LINGO2: variants seen among roughly 807,000 people sequenced by gnomAD.
The protein encoded by LINGO2 is leucine-rich repeat and immunoglobulin-like domain-containing nogo receptor-interacting protein 2.
Under a neutral mutation model 30.6 loss-of-function variants are expected in LINGO2, and 14 were observed. The ratio of observed to expected loss-of-function variants is 0.46; its 90% confidence interval spans 0.30 to 0.72. LINGO2 has a LOEUF of 0.72. Among genes scored for constraint, LINGO2 ranks in the 30% least tolerant of loss-of-function variants. The probability of loss-of-function intolerance (pLI) is 0.07; values close to 1 mark genes in which losing one functional copy is unlikely to be tolerated. For missense variants in LINGO2, 729 were observed against 751.7 expected (o/e 0.97, Z 0.35); for synonymous variants, 317 against 288.5 (o/e 1.10, Z -1.00).
At chr9:28,725,644 G>A in the LINGO2 span, among the ~76,000 whole-genome samples, 4 of 148,276 alleles carry the variant, frequency 2.7e-5, no homozygotes, top group South Asian at 4.2e-4. Flanking sequence ...GCAAAGATAA[G>A]GAAAAGAAAC....
rs561322213 is a variant in LINGO2, at chr9:28,500,294, C to T, written c.-364-24269G>A. ...TTTCACCTTATTAGACATCCTTCTC[C>T]TTCCTAATAACTGACCACATGTCCT... On this transcript the variant is annotated intron_variant, in intron 1 of 5. Transcript: ENST00000379992. 1.4e-4 allele frequency among the ~76,000 whole-genome samples: 22 copies of T among 152,184 alleles called. 1 individual carries two copies. Among genetic ancestry groups the T allele is most frequent in the Admixed American group, 1.3e-3 (20 of 15,292 alleles).
intron 4 of LINGO2, among the ~76,000 whole-genome samples, chr9:28,169,933 A>G (rs1002664393): frequency 2.2e-4 from 33 of 152,116 alleles, no homozygotes; most frequent in Admixed American, 6.6e-5. Flanking sequence ...TTCTCTAGTC[A>G]TGGTATTTAA....
chr9:28,283,590 A>C (rs984363018), intron 4 of LINGO2, among the ~76,000 whole-genome samples: 1 of 152,188 alleles, frequency 6.6e-6, no homozygotes, highest in African/African-American at 2.4e-5. Flanking sequence ...AATATTATGA[A>C]AACTCACAGA....
intron 3 of LINGO2, among the ~76,000 whole-genome samples, chr9:28,357,123 T>C (rs1344344321): frequency 6.6e-6 from 1 of 152,058 alleles, no homozygotes; most frequent in Non-Finnish European, 1.5e-5. Flanking sequence ...TGGTGAGCAA[T>C]TGGGATAGCC....
At chr9:28,099,451 C>T (rs1461673483) in intron 4 of LINGO2, among the ~76,000 whole-genome samples, 1 of 152,064 alleles carries the variant, frequency 6.6e-6, no homozygotes, top group Non-Finnish European at 1.5e-5. Context: ...GGAGAAGAAG[C>T]TTAGGCTTCA....
the LINGO2 span, among the ~76,000 whole-genome samples, chr9:29,161,289 C>A: frequency 6.6e-6 from 1 of 152,160 alleles, no homozygotes; most frequent in Non-Finnish European, 1.5e-5. Flanking sequence ...CTGAATAAAA[C>A]CATATTCACC....
intron 2 of LINGO2, among the ~76,000 whole-genome samples, chr9:28,412,510 C>A (rs1268907377): frequency 6.6e-6 from 1 of 152,048 alleles, no homozygotes; most frequent in African/African-American, 2.4e-5. Context: ...TAGGATCTTA[C>A]ATGCAGAAAA....
At chr9:28,433,966 TACAC>T (rs757972811) in intron 2 of LINGO2, among the ~76,000 whole-genome samples, 1 of 99,994 alleles carries the variant, frequency 1.0e-5, no homozygotes, top group African/African-American at 3.1e-5. Context: ...TATATATATA[TACAC>T]ACACACACAT....
chr9:28,221,092 G>A (rs77154230), intron 4 of LINGO2, among the ~76,000 whole-genome samples: 1 of 152,052 alleles, frequency 6.6e-6, no homozygotes, highest in Admixed American at 6.6e-5. Context: ...GAGGTCAGGA[G>A]ATCGAAACCA....
chr9:28,177,976 C>A (rs771882740), intron 4 of LINGO2, among the ~76,000 whole-genome samples: 1 of 152,248 alleles, frequency 6.6e-6, no homozygotes, highest in East Asian at 1.9e-4. Flanking sequence ...GACCTTCCAA[C>A]CTCCACCAAG....
chr9:28,852,530 CA>C, the LINGO2 span, among the ~76,000 whole-genome samples: 3 of 151,902 alleles, frequency 2.0e-5, no homozygotes, highest in East Asian at 3.9e-4. Flanking sequence ...AGCTACTGCC[CA>C]GGGGAAGGCA....
At chr9:28,246,925 C>T (rs1822022903) in intron 4 of LINGO2, among the ~76,000 whole-genome samples, 1 of 152,106 alleles carries the variant, frequency 6.6e-6, no homozygotes, top group African/African-American at 2.4e-5. Flanking sequence ...AAACAAACAA[C>T]CCTTTTTCAA....
chr9:28,251,450 GAT>G (rs1822195117), intron 4 of LINGO2, among the ~76,000 whole-genome samples: 1 of 152,122 alleles, frequency 6.6e-6, no homozygotes, highest in Non-Finnish European at 1.5e-5. Context: ...GTAAATTTAA[GAT>G]AAACTGTGTG....
chr9:28,317,923 C>T (rs1047380117), intron 3 of LINGO2, among the ~76,000 whole-genome samples: 3 of 152,124 alleles, frequency 2.0e-5, no homozygotes, highest in African/African-American at 7.2e-5. Context: ...CTAAGCATAA[C>T]ACAACAAAAA....
intron 4 of LINGO2, among the ~76,000 whole-genome samples, chr9:28,273,743 C>G (rs1251289066): frequency 6.6e-6 from 1 of 152,126 alleles, no homozygotes; most frequent in Non-Finnish European, 1.5e-5. Context: ...ACAGTAAAAC[C>G]AAGACTTAAG....
At chr9:28,098,234 G>A (rs1465838087) in intron 4 of LINGO2, among the ~76,000 whole-genome samples, 1 of 152,116 alleles carries the variant, frequency 6.6e-6, no homozygotes, top group South Asian at 2.1e-4. Flanking sequence ...GAACGCAGGA[G>A]GCTGAGGTTG....
At chr9:28,060,927 T>A (rs1386541850) in intron 4 of LINGO2, among the ~76,000 whole-genome samples, 1 of 152,044 alleles carries the variant, frequency 6.6e-6, no homozygotes, top group Non-Finnish European at 1.5e-5. Flanking sequence ...TTTCTTCTTA[T>A]AGGAACACTA....
chr9:28,476,554 C>T (rs1261612491), intron 1 of LINGO2, among the ~76,000 whole-genome samples: 4 of 152,166 alleles, frequency 2.6e-5, no homozygotes, highest in East Asian at 1.9e-4. Flanking sequence ...GGATTACAGG[C>T]GTGAGCCACC....
intron 4 of LINGO2, among the ~76,000 whole-genome samples, chr9:28,063,058 T>C (rs1270486079): frequency 6.6e-6 from 1 of 152,142 alleles, no homozygotes; most frequent in South Asian, 2.1e-4. Flanking sequence ...ACTTTGCTTT[T>C]ACAGTTTTCT....
Sources: allele counts gnomAD v4.1 joint callset (sites outside exome capture counted in the v4.1 genomes callset), GRCh38; gene constraint gnomAD v4.1.1; transcripts MANE v1.5; gene names NCBI Gene and HGNC (gene_info 2026-07-23, HGNC 2026-07-21).